CDAN1: variants seen among roughly 807,000 people sequenced by gnomAD.
The protein encoded by CDAN1 is codanin 1.
Under a neutral mutation model 139.8 loss-of-function variants are expected in CDAN1, and 107 were observed. The observed-to-expected ratio is 0.77, with a 90% CI of 0.65 to 0.90. The LOEUF is 0.90. Ranked by LOEUF, CDAN1 falls within the 40% of genes least tolerant of loss-of-function variation. The pLI is 0.00. For missense variants in CDAN1, 1,667 were observed against 1,575.7 expected, an observed-to-expected ratio of 1.06 and a Z score of -0.98; for synonymous variants, 776 against 660.6, an observed-to-expected ratio of 1.17 and a Z score of -2.68.
Position 42,734,048 on chromosome 15 carries a change from C to T in CDAN1, c.1258-1G>A. 1 of 1,611,802 alleles carries T rather than the reference C, an allele frequency of 6.2e-7. No individual in the cohort carries two copies. The highest frequency in any genetic ancestry group is 8.5e-7 in the Non-Finnish European group (1 of 1,177,888). ...TAGAGGGAGGCATCACCAGAGAGAC[C>T]TAAAATACAGCAGGAACGTTAGGAA... is the stretch of plus-strand genomic sequence containing the variant. On this transcript the variant is annotated splice_acceptor_variant, in intron 7 of 27. Transcript: ENST00000356231. LOFTEE classifies it high-confidence loss of function.
Position 42,728,272 on chromosome 15 carries a change from AAG to A in CDAN1, c.2805-7_2805-6del, listed in dbSNP as rs1201052554. ...GGGCTCTTCCTTTGACAGAACCTAA[AAG>A]GGGACAGATGGGGTCAGTGATCTCT... is the stretch of plus-strand genomic sequence containing the variant. On this transcript the variant is annotated splice_polypyrimidine_tract_variant and splice_region_variant and intron_variant, in intron 20 of 27. Transcript: ENST00000356231. 2.5e-6 allele frequency: 4 copies of A among 1,613,870 alleles called. No individual in the cohort carries two copies. The highest frequency in any genetic ancestry group is 2.2e-5 in the East Asian group (1 of 44,848).
chr15:42,736,634 C>G lies in CDAN1; in HGVS notation c.237G>C (p.Ser79=), dbSNP rs180857061. 6.3e-3 allele frequency: 9,535 copies of G among 1,515,716 alleles called. 38 individuals are homozygous for G. The highest frequency in any genetic ancestry group is 7.7e-3 in the Non-Finnish European group (8,676 of 1,132,426). 93.9% of individuals were successfully genotyped at this position (1,515,716 alleles called of 1,614,324 possible). Residue 79 remains serine (S), a synonymous_variant, in exon 2 of 28, where the codon TCG becomes TCC. Coordinates refer to ENST00000356231, the MANE Select transcript of CDAN1 (RefSeq NM_138477.4). ...PPTPAKTPGA[S]AALPGRPGGP... is the part of the protein sequence containing the mutation. ...CTCCCGGCCTCCCTGGCAAGGCTGC[C>G]GAGGCGCCCGGGGTCTTGGCGGGGG...
chr15:42,726,404 A>C lies in CDAN1; in HGVS notation c.3110T>G (p.Leu1037Trp), dbSNP rs1342078799. 6.3e-7 allele frequency: 1 copy of C among 1,595,110 alleles called. No individual in the cohort carries two copies. Among genetic ancestry groups the C allele is most frequent in the Non-Finnish European group, 8.5e-7 (1 of 1,170,960 alleles). The change falls in exon 24 of 28, where the codon TTG becomes TGG. Residue 1037 changes from leucine (L) to tryptophan (W), a missense_variant. Physicochemically the swap from Leu to Trp is moderately conservative, Grantham distance 61. This residue lies in a region of CDAN1 where 936 missense variants were observed against 844.1 expected (regional missense o/e 1.11). Coordinates refer to ENST00000356231, the MANE Select transcript of CDAN1 (RefSeq NM_138477.4). The part of the protein sequence containing the change: ...LISEIKDVLS[L>W]AVGPRDPDEG... Reference sequence around the variant, plus strand: ...GTCAGGGTCCCGTGGCCCCACGGCCAAGGAGAGCACGTCCTGTGAAGAGCA... The same window carrying C: ...GTCAGGGTCCCGTGGCCCCACGGCCCAGGAGAGCACGTCCTGTGAAGAGCA...
intron 23 of CDAN1, chr15:42,726,803 TC>T (rs2061535567): frequency 4.0e-6 from 1 of 249,080 alleles, no homozygotes; most frequent in Non-Finnish European, 7.8e-6. Flanking sequence ...CTGTTCATCT[TC>T]TCTGGAGAGC....
chr15:42,725,446 TCA>T (rs1245500031), intron 26 of CDAN1, 41 bp downstream of exon 26: 1 of 1,611,900 alleles, frequency 6.2e-7, no homozygotes, highest in East Asian at 2.2e-5. Context: ...TGGTGGATGT[TCA>T]GAGTGTGACT....
Position 42,733,153 on chromosome 15 carries a change from T to G in CDAN1, c.1401A>C (p.Glu467Asp), listed in dbSNP as rs202001507. 26 of 1,614,066 alleles carry G rather than the reference T, an allele frequency of 1.6e-5. No individual in the cohort carries two copies. In the East Asian group the frequency reaches 5.8e-4, roughly 36 times the overall value. ...DVFYEVLREW[E>D]DHHEEPGWDF... is the part of the protein sequence containing the mutation. ...CCCAGCCAGGCTCCTCATGGTGATC[T>G]TCCCACTCTCGCAGCACCTCATAAA... Residue 467 changes from glutamate to aspartate, a missense_variant, in exon 9 of 28, where the codon GAA (glutamate) becomes GAC (aspartate). By Grantham distance (45) the Glu-to-Asp change is conservative. This residue lies in a region of CDAN1 where 244 missense variants were observed against 309.4 expected (regional missense o/e 0.79). Coordinates refer to ENST00000356231, the MANE Select transcript of CDAN1 (RefSeq NM_138477.4).
Position 42,736,055 on chromosome 15 carries a change from T to C in CDAN1, c.593A>G (p.Asn198Ser). ...PTGTKPSRRINPTPVSEERSL... is the reference protein window; with the variant it reads ...PTGTKPSRRISPTPVSEERSL... ...CCGCTCTTCGCTCACCGGAGTTGGG[T>C]TGATCCTGCGAGAAGGCTTCGTCCT... The change falls in exon 3 of 28, where the codon AAC (asparagine) becomes AGC (serine). Residue 198 changes from asparagine (N) to serine (S), a missense_variant. This residue lies in a region of CDAN1 where 487 missense variants were observed against 422.2 expected (regional missense o/e 1.15). Transcript: ENST00000356231. 1.2e-6 allele frequency: 2 copies of C among 1,614,124 alleles called. No homozygotes were observed. Among genetic ancestry groups the C allele is most frequent in the Non-Finnish European group, 8.5e-7 (1 of 1,180,010 alleles).
At chr15:42,728,170 T>C in intron 21 of CDAN1, 34 bp downstream of exon 21, 1 of 1,609,850 alleles carries the variant, frequency 6.2e-7, no homozygotes, top group Non-Finnish European at 8.5e-7. Context: ...CACAACTGCC[T>C]GGCCTGCTAG....
At chr15:42,730,869 C>T in intron 13 of CDAN1, 56 bp downstream of exon 13, 1 of 1,613,660 alleles carries the variant, frequency 6.2e-7, no homozygotes, top group Non-Finnish European at 8.5e-7. Context: ...CAGTCAGCTT[C>T]AGTGCCTGGC....
intron 4 of CDAN1, 30 bp from the exon 5 acceptor site, chr15:42,735,404 T>G: frequency 6.3e-7 from 1 of 1,584,904 alleles, no homozygotes; most frequent in Middle Eastern, 1.7e-4. Context: ...AAGCCCATGG[T>G]ATGGGCACCA....
chr15:42,735,729 G>A (rs140100277), intron 3 of CDAN1, 50 bp from the exon 4 acceptor site: 8 of 1,599,860 alleles, frequency 5.0e-6, no homozygotes, highest in African/African-American at 1.3e-5. Flanking sequence ...TCCCTGCTAC[G>A]GCCACACTCA....
Position 42,727,935 on chromosome 15 carries a change from T to C in CDAN1, c.2947+20A>G. 6.2e-7 allele frequency: 1 copy of C among 1,611,610 alleles called. No homozygotes were observed. The highest frequency in any genetic ancestry group is 8.5e-7 in the Non-Finnish European group (1 of 1,177,776). ...CTTTTTAAACACTTGATTCAGCCAC[T>C]CCCCCATCCAGGACCTTACCTGTGA... On this transcript the variant is annotated intron_variant, in intron 22 of 27. Transcript: ENST00000356231.
Position 42,728,576 on chromosome 15 carries a change from G to GAGTA in CDAN1, c.2804+72_2804+75dup, listed in dbSNP as rs199886860. 434 of 1,574,832 alleles carry GAGTA rather than the reference G, an allele frequency of 2.8e-4. 2 individuals are homozygous for GAGTA. In the East Asian group the frequency reaches 6.8e-3, roughly 25 times the overall value. ...GCATGAAGAGAAGAAAGGGAAAAAAGAGTAAGTGTGAAGGAGGAAAGAAAG... is the reference window on the plus strand; with the variant it reads ...GCATGAAGAGAAGAAAGGGAAAAAAGAGTAAGTAAGTGTGAAGGAGGAAAGAAAG... On this transcript the variant is annotated intron_variant, in intron 20 of 27. Transcript: ENST00000356231.
chr15:42,725,346 A>AGACTT, intron 26 of CDAN1, 95 bp from the exon 27 acceptor site: 1 of 1,474,150 alleles, frequency 6.8e-7, no homozygotes, highest in African/African-American at 1.4e-5. Flanking sequence ...TGCTGGGAAG[A>AGACTT]GACTTGAGAT....
At chr15:42,730,039 G>A in intron 15 of CDAN1, 89 bp downstream of exon 15, 2 of 1,366,298 alleles carry the variant, frequency 1.5e-6, no homozygotes, top group East Asian at 2.3e-5. Context: ...TCGTCTTCCA[G>A]CCCTTGCCTC....
Position 42,736,559 on chromosome 15 carries a change from G to A in CDAN1, c.312C>T (p.Thr104=). ...CCTCGGCAGCGGTGCTCTGGGCCTC[G>A]GTCGGAGGGAAAAGCTGGCTGCGCG... is the stretch of plus-strand genomic sequence containing the variant. ...RGARSQLFPP[T]EAQSTAAEAP... Residue 104 remains threonine, a synonymous_variant, in exon 2 of 28, where the codon ACC becomes ACT. Coordinates refer to ENST00000356231, the MANE Select transcript of CDAN1 (RefSeq NM_138477.4). 6.7e-7 allele frequency: 1 copy of A among 1,483,682 alleles called. No individual in the cohort carries two copies. Among genetic ancestry groups the A allele is most frequent in the Non-Finnish European group, 8.9e-7 (1 of 1,119,524 alleles). 91.9% of individuals were successfully genotyped at this position (1,483,682 alleles called of 1,614,324 possible). A position where few individuals can be genotyped will look rare whatever the true frequency, so the allele number is the denominator to read the frequency against.
rs569196994 is a variant in CDAN1, at chr15:42,729,216, G to A, written c.2541+13C>T. The A allele has an allele frequency of 1.8e-5, 17 of 968,586 alleles. No homozygotes were observed. The highest frequency in any genetic ancestry group is 6.3e-5 in the South Asian group (5 of 79,342). The allele number at this position is 968,586 out of a possible 1,614,324, so 60.0% of individuals were successfully genotyped here. A position where few individuals can be genotyped will look rare whatever the true frequency, so the allele number is the denominator to read the frequency against. ...CCTCATTTTCCCCACGGCTGTCTCC[G>A]CCCTGCCCTTACCTGCAGCCCCTGG... On this transcript the variant is annotated intron_variant, in intron 18 of 27. Coordinates refer to ENST00000356231, the MANE Select transcript of CDAN1 (RefSeq NM_138477.4).
chr15:42,735,475 G>C (rs1435446679), intron 4 of CDAN1, 35 bp downstream of exon 4: 1 of 1,612,352 alleles, frequency 6.2e-7, no homozygotes. Flanking sequence ...AGTTCTACAA[G>C]TGTCTCCACT....
chr15:42,724,920 T>TA (rs2061502679), intron 27 of CDAN1: 1 of 628,334 alleles, frequency 1.6e-6, no homozygotes, highest in Non-Finnish European at 2.8e-6. Flanking sequence ...AAAACCCATA[T>TA]AATGGGCTGT....
Sources: allele counts gnomAD v4.1 joint callset, GRCh38; gene constraint gnomAD v4.1.1; regional missense constraint gnomAD v4.1.1; transcripts MANE v1.5; gene names NCBI Gene and HGNC (gene_info 2026-07-23, HGNC 2026-07-21).